The following PRR5 variants were observed in gnomAD, a reference collection of about 807,000 sequenced individuals.
PRR5 encodes proline-rich protein 5.
Under a neutral mutation model 30.6 loss-of-function variants are expected in PRR5, and 25 were observed. The observed-to-expected ratio is 0.82, with a 90% CI of 0.60 to 1.14. PRR5 has a LOEUF of 1.14. Ranked by LOEUF, PRR5 falls within the 50% of genes most tolerant of loss-of-function variation. PRR5 has a pLI of 0.00. For synonymous variants in PRR5, 286 were observed against 247.1 expected (o/e 1.16, Z -1.48); for missense variants, 600 against 547.1 (o/e 1.10, Z -0.96).
intron 7 of PRR5, among the ~76,000 whole-genome samples, chr22:44,736,568 G>T (rs116045304): frequency 0.031 from 4,725 of 152,282 alleles, 121 homozygotes; most frequent in Admixed American, 0.073. Flanking sequence ...GTGTGACCAG[G>T]CTGGGCCTAG....
intron 4 of PRR5, chr22:44,730,151 G>A: frequency 3.0e-6 from 3 of 985,066 alleles, no homozygotes; most frequent in Non-Finnish European, 3.6e-6. Context: ...ACATGAAGCT[G>A]GGGGCTTCCG....
intron 1 of PRR5, among the ~76,000 whole-genome samples, 182 bp downstream of exon 1, chr22:44,702,790 G>C (rs1295306788): frequency 6.6e-6 from 1 of 152,166 alleles, no homozygotes; most frequent in Admixed American, 6.5e-5. Flanking sequence ...GTTCAGTGCA[G>C]CGTGGTTCCA....
upstream of PRR5, among the ~76,000 whole-genome samples, chr22:44,698,304 G>A (rs1228688325): frequency 6.6e-6 from 1 of 150,750 alleles, no homozygotes. Context: ...TTGGGGATGT[G>A]TGAATGAGTC....
chr22:44,670,574 G>A (rs1923366805), intron 1 of PRR5, among the ~76,000 whole-genome samples: 1 of 152,246 alleles, frequency 6.6e-6, no homozygotes, highest in South Asian at 2.1e-4. Context: ...GATCGGCCGT[G>A]AGAAGGGCTG....
chr22:44,737,137 C>T lies in PRR5; in HGVS notation c.1057C>T (p.Leu353=). 6.2e-7 allele frequency: 1 copy of T among 1,612,674 alleles called. No individual in the cohort carries two copies. Among genetic ancestry groups the T allele is most frequent in the Non-Finnish European group, 8.5e-7 (1 of 1,180,004 alleles). Residue 353 remains leucine (L), a synonymous_variant, in exon 8 of 8, where the codon CTG becomes TTG. Transcript: ENST00000336985. ...SSPENLVDQI[L]ESVDSDSEGI... ...CCCGGAGAACCTGGTGGACCAGATC[C>T]TGGAGTCCGTGGACTCGGATTCTGA...
At chr22:44,719,635 GTGTC>G (rs1345258459) in intron 2 of PRR5, among the ~76,000 whole-genome samples, 1 of 152,180 alleles carries the variant, frequency 6.6e-6, no homozygotes, top group Non-Finnish European at 1.5e-5. Flanking sequence ...TACAGCCAGG[GTGTC>G]TGTCTGGGGC....
chr22:44,669,168 T>C (rs1436454798), intron 1 of PRR5, among the ~76,000 whole-genome samples: 2 of 134,030 alleles, frequency 1.5e-5, no homozygotes, highest in Non-Finnish European at 3.1e-5. Context: ...TGTGGGTGGG[T>C]CTCCGTCCAG....
chr22:44,722,839 T>C (rs1025784070), intron 2 of PRR5, among the ~76,000 whole-genome samples: 2 of 152,178 alleles, frequency 1.3e-5, no homozygotes, highest in African/African-American at 4.8e-5. Flanking sequence ...TTGGGCTTTT[T>C]TTTCCCAGCA....
intron 1 of PRR5, among the ~76,000 whole-genome samples, chr22:44,681,024 G>T (rs536631686): frequency 6.6e-6 from 1 of 152,208 alleles, no homozygotes; most frequent in Non-Finnish European, 1.5e-5. Context: ...AGACTAGCAC[G>T]GCAGCGGCTC....
chr22:44,686,078 C>A (rs1924721965), intron 1 of PRR5, among the ~76,000 whole-genome samples: 2 of 152,100 alleles, frequency 1.3e-5, no homozygotes, highest in Non-Finnish European at 2.9e-5. Flanking sequence ...CATGGTGAAA[C>A]CCCGTTTCTA....
At position 44,731,724 on chromosome 22, in the gene PRR5, C is replaced by T. The variant is rs367769058; in HGVS notation, c.323-6C>T. 5.8e-5 allele frequency: 93 copies of T among 1,613,544 alleles called. No individual in the cohort carries two copies. The highest frequency in any genetic ancestry group is 7.5e-5 in the Non-Finnish European group (89 of 1,179,980). Reference sequence around the variant, plus strand: ...GGCCCAGTGGTGATGGCCCCCATGCCCACAGGACAGAAGCTGCTGGACTCA... The same window carrying T: ...GGCCCAGTGGTGATGGCCCCCATGCTCACAGGACAGAAGCTGCTGGACTCA... On this transcript the variant is annotated splice_region_variant and splice_polypyrimidine_tract_variant and intron_variant, in intron 4 of 7. Coordinates refer to ENST00000336985, the MANE Select transcript of PRR5 (RefSeq NM_181333.4).
chr22:44,692,105 T>C (rs988340038), intron 1 of PRR5, among the ~76,000 whole-genome samples: 13 of 151,838 alleles, frequency 8.6e-5, no homozygotes, highest in African/African-American at 2.9e-4. Flanking sequence ...GAAAAAGCAC[T>C]GCCTAAGCCC....
At chr22:44,719,664 C>T (rs771257709) in intron 2 of PRR5, among the ~76,000 whole-genome samples, 29 of 152,182 alleles carry the variant, frequency 1.9e-4, no homozygotes, top group Non-Finnish European at 8.8e-5. Context: ...TCTCTTCTAG[C>T]GTCCCATGTG....
chr22:44,695,691 C>T (rs1474649227), intron 1 of PRR5, among the ~76,000 whole-genome samples: 3 of 150,528 alleles, frequency 2.0e-5, no homozygotes, highest in South Asian at 2.1e-4. Context: ...CTCTACCTCC[C>T]GGGTTCAAGC....
At chr22:44,676,451 A>G (rs376859715), upstream of PRR5, among the ~76,000 whole-genome samples, 133 of 151,890 alleles carry the variant, frequency 8.8e-4, 1 homozygote, top group African/African-American at 3.1e-3. Context: ...AAAGAAAAGA[A>G]AAAAGAAAAA....
At chr22:44,735,399 C>T (rs543324099) in intron 7 of PRR5, among the ~76,000 whole-genome samples, 158 of 152,332 alleles carry the variant, frequency 1.0e-3, no homozygotes, top group African/African-American at 3.5e-3. Flanking sequence ...ACCAGACCTC[C>T]GTGTTCCCCA....
At position 44,718,685 on chromosome 22, in the gene PRR5, G is replaced by C. The variant is rs548773587; in HGVS notation, c.215+4014G>C. ...TCTCACCAACACATGTTAATTTCCA[G>C]TGCTTTCATTCCGAGAAGTGGCATC... is the stretch of plus-strand genomic sequence containing the variant. On this transcript the variant is annotated intron_variant, in intron 2 of 7. Transcript: ENST00000336985. Among the ~76,000 whole-genome samples the C allele has an allele frequency of 4.6e-5, 7 of 152,178 alleles. No individual in the cohort carries two copies. In the South Asian group the frequency reaches 1.0e-3, roughly 23 times the overall value.
At chr22:44,730,573 C>T in intron 4 of PRR5, 2 of 989,202 alleles carry the variant, frequency 2.0e-6, no homozygotes, top group Middle Eastern at 5.2e-4. Flanking sequence ...TCCTACAGAG[C>T]TGGTCCCGAT....
Position 44,736,784 on chromosome 22 carries a change from T to G in PRR5, c.704T>G (p.Leu235Arg), listed in dbSNP as rs1221603109. The change falls in exon 8 of 8, where the codon CTC becomes CGC. Residue 235 changes from leucine (L) to arginine (R), a missense_variant. Transcript: ENST00000336985. ...TGTCTCTCCCCAGAAAAGCGCCTCC[T>G]CCGCCGCTCCCGCTCGGGGGACGTG... ...THSCILEKRL[L>R]RRSRSGDVLA... The G allele has an allele frequency of 1.4e-5, 21 of 1,548,366 alleles. No individual in the cohort carries two copies. Among genetic ancestry groups the G allele is most frequent in the Middle Eastern group, 2.3e-4 (1 of 4,444 alleles).
Sources: allele counts gnomAD v4.1 joint callset (sites outside exome capture counted in the v4.1 genomes callset), GRCh38; gene constraint gnomAD v4.1.1; transcripts MANE v1.5; gene names NCBI Gene and HGNC (gene_info 2026-07-23, HGNC 2026-07-21).